TECRL: variants seen among roughly 807,000 people sequenced by gnomAD.
TECRL encodes the protein trans-2,3-enoyl-CoA reductase-like.
Under a neutral mutation model 52.8 loss-of-function variants are expected in TECRL, and 63 were observed. That is an observed-to-expected ratio of 1.19 (90% CI 0.97 to 1.47). The LOEUF (loss-of-function observed/expected upper bound fraction) is 1.47. Ranked by LOEUF, TECRL falls within the 40% of genes most tolerant of loss-of-function variation. TECRL has a pLI of 0.00. For missense variants in TECRL, 482 were observed against 429.6 expected, an observed-to-expected ratio of 1.12 and a Z score of -1.08; for synonymous variants, 164 against 141.9, an observed-to-expected ratio of 1.16 and a Z score of -1.10.
At chr4:64,353,247 A>C (rs1224824731) in intron 2 of TECRL, among the ~76,000 whole-genome samples, 1 of 152,202 alleles carries the variant, frequency 6.6e-6, no homozygotes, top group African/African-American at 2.4e-5. Flanking sequence ...AAAATCGAAA[A>C]ATTCAACATA....
intron 7 of TECRL, chr4:64,304,936 G>T (rs1577837122): frequency 3.1e-6 from 1 of 327,706 alleles, no homozygotes; most frequent in African/African-American, 2.1e-5. Context: ...TTTTTTGGAG[G>T]TTTACAACCT....
downstream of TECRL, chr4:64,276,875 A>G: frequency 2.4e-6 from 1 of 423,204 alleles, no homozygotes; most frequent in Non-Finnish European, 4.2e-6. Context: ...ATACATATGC[A>G]TATGTGTACA....
At chr4:64,390,841 A>T (rs1577981509) in intron 1 of TECRL, among the ~76,000 whole-genome samples, 2 of 151,852 alleles carry the variant, frequency 1.3e-5, no homozygotes, top group East Asian at 3.9e-4. Context: ...TTTCCTACTT[A>T]AAGATTTATG....
At chr4:64,356,887 A>G (rs4241650) in intron 2 of TECRL, among the ~76,000 whole-genome samples, 137,965 of 152,210 alleles carry the variant, frequency 0.91, 63,022 homozygotes, top group East Asian at 1. Context: ...TGTTCATTAA[A>G]GAAAGTTGGA....
rs142244624 is a variant in TECRL, at chr4:64,317,602, G to C, written c.436-2839C>G. Among the ~76,000 whole-genome samples the C allele has an allele frequency of 5.4e-3, 816 of 152,304 alleles. 5 individuals are homozygous for C. The highest frequency in any genetic ancestry group is 0.019 in the African/African-American group (777 of 41,552). ...GCATTTATCACTTGTAATACAGTAA[G>C]ATCACTTTGTACTTAATGAATACTG... On this transcript the variant is annotated intron_variant, in intron 4 of 11. Transcript: ENST00000381210.
chr4:64,299,337 T>G (rs1723870732), intron 8 of TECRL: 1 of 150,936 alleles, frequency 6.6e-6, no homozygotes. Context: ...GTTAACTAAT[T>G]TATCAATGAC....
intron 1 of TECRL, 45 bp downstream of exon 1, chr4:64,409,073 G>T: frequency 6.8e-7 from 1 of 1,468,074 alleles, no homozygotes; most frequent in Non-Finnish European, 9.2e-7. Context: ...GGGCAGAGAA[G>T]AAACACTTAA....
chr4:64,308,332 T>G (rs949052551), intron 6 of TECRL, among the ~76,000 whole-genome samples: 2 of 152,152 alleles, frequency 1.3e-5, no homozygotes, highest in African/African-American at 4.8e-5. Context: ...CATACTAAAT[T>G]GATCCTGATC....
At position 64,281,076 on chromosome 4, in the gene TECRL, C is replaced by A; in HGVS notation, c.929G>T (p.Trp310Leu). The change falls in exon 11 of 12, where the codon TGG (tryptophan) becomes TTG (leucine). Residue 310 changes from tryptophan (W) to leucine (L), a missense_variant. By Grantham distance (61) the Trp-to-Leu change is moderately conservative (BLOSUM62 -2). Coordinates refer to ENST00000381210, the MANE Select transcript of TECRL (RefSeq NM_001010874.5). ...TTGTGTCATGACTGTGAAACTAATC[C>A]ATGATCCAATCTGTTATATTAAAAC... Reference protein sequence around the residue: ...CPNYTYEIGSWISFTVMTQTL... With the variant: ...CPNYTYEIGSLISFTVMTQTL... 1 of 1,600,860 alleles carries A rather than the reference C, an allele frequency of 6.2e-7. No homozygotes were observed. The highest frequency in any genetic ancestry group is 1.1e-5 in the South Asian group (1 of 89,148).
chr4:64,289,140 A>G (rs1367467703), intron 9 of TECRL, among the ~76,000 whole-genome samples: 1 of 152,162 alleles, frequency 6.6e-6, no homozygotes, highest in Non-Finnish European at 1.5e-5. Flanking sequence ...TCCTATTTTG[A>G]TTAATAAAGA....
At chr4:64,343,297 T>A (rs1293770284) in intron 2 of TECRL, among the ~76,000 whole-genome samples, 1 of 152,116 alleles carries the variant, frequency 6.6e-6, no homozygotes, top group Non-Finnish European at 1.5e-5. Flanking sequence ...GCTCAGCTAG[T>A]GTTACTTGGT....
chr4:64,305,213 G>A lies in TECRL; in HGVS notation c.683C>T (p.Thr228Ile), dbSNP rs1724259323. 5.6e-6 allele frequency: 9 copies of A among 1,612,558 alleles called. No homozygotes were observed. The highest frequency in any genetic ancestry group is 6.8e-6 in the Non-Finnish European group (8 of 1,179,130). ...ATTAATGTAGTAGGCAATCCAAGAA[G>A]TAAATCCCCAGTAAAAGGCACAACT... is the stretch of plus-strand genomic sequence containing the variant. Reference protein sequence around the residue: ...IMSCAFYWGFTSWIAYYINHP... With the variant: ...IMSCAFYWGFISWIAYYINHP... Residue 228 changes from threonine to isoleucine, a missense_variant, in exon 7 of 12, where the codon ACT becomes ATT. Coordinates refer to ENST00000381210, the MANE Select transcript of TECRL (RefSeq NM_001010874.5).
rs150896649 is a variant in TECRL at position 64,346,742 on chromosome 4, C to T, written c.287-18186G>A. On this transcript the variant is annotated intron_variant, in intron 2 of 11. Coordinates refer to ENST00000381210, the MANE Select transcript of TECRL (RefSeq NM_001010874.5). Reference sequence around the variant, plus strand: ...CTCTGAGGTGCCCTGGAGAATTGTCCCCATTGTCTTGGTGATTAAGTGTGG... The same window carrying T: ...CTCTGAGGTGCCCTGGAGAATTGTCTCCATTGTCTTGGTGATTAAGTGTGG... Among the ~76,000 whole-genome samples the T allele has an allele frequency of 7.5e-3, 1,140 of 152,254 alleles. 7 individuals are homozygous for T. Among genetic ancestry groups the T allele is most frequent in the Non-Finnish European group, 0.013 (897 of 68,014 alleles).
chr4:64,341,150 C>T (rs906182883), intron 2 of TECRL, among the ~76,000 whole-genome samples: 4 of 152,136 alleles, frequency 2.6e-5, no homozygotes, highest in Admixed American at 6.6e-5. Context: ...CAGAAAGGAG[C>T]TTCTCCCTAT....
chr4:64,282,063 C>T (rs1444447822), intron 9 of TECRL, among the ~76,000 whole-genome samples: 1 of 151,788 alleles, frequency 6.6e-6, no homozygotes, highest in African/African-American at 2.4e-5. Context: ...AGTATGCACA[C>T]CTCTAATAAA....
intron 1 of TECRL, among the ~76,000 whole-genome samples, chr4:64,400,127 G>A (rs1724250504): frequency 6.6e-6 from 1 of 152,202 alleles, no homozygotes; most frequent in Non-Finnish European, 1.5e-5. Flanking sequence ...CAAGACCTTG[G>A]GAGCTCACTT....
At chr4:64,289,884 A>G in intron 8 of TECRL, 117 bp from the exon 9 acceptor site, 1 of 582,376 alleles carries the variant, frequency 1.7e-6, no homozygotes, top group Non-Finnish European at 2.7e-6. Context: ...TTCAAAAGAT[A>G]TATATTTTAT....
rs910982296 is a variant in TECRL, at chr4:64,299,803, G to A, written c.774+171C>T. Among the ~76,000 whole-genome samples the A allele has an allele frequency of 2.0e-5, 3 of 150,742 alleles. No homozygotes were observed. The South Asian group carries it at 6.2e-4, about 31-fold the overall frequency. On this transcript the variant is annotated intron_variant, in intron 8 of 11. Transcript: ENST00000381210. ...ACATTTTGATTATAAAATTTAGAGA[G>A]CTAAAGACTTGATTATAGAAAGTTA...
intron 2 of TECRL, among the ~76,000 whole-genome samples, chr4:64,360,666 C>G (rs1027958478): frequency 1.3e-5 from 2 of 151,870 alleles, no homozygotes; most frequent in African/African-American, 4.8e-5. Context: ...GGACACAGAT[C>G]CTGGGTTAAA....
Sources: allele counts gnomAD v4.1 joint callset (sites outside exome capture counted in the v4.1 genomes callset), GRCh38; gene constraint gnomAD v4.1.1; transcripts MANE v1.5; gene names NCBI Gene and HGNC (gene_info 2026-07-23, HGNC 2026-07-21).